ZNF385B: variants seen among roughly 807,000 people sequenced by gnomAD.
ZNF385B encodes the protein zinc finger protein 533.
In ZNF385B, 23 loss-of-function variants were observed where a neutral mutation model predicts 39.2. That is an observed-to-expected ratio of 0.59 (90% CI 0.42 to 0.83). The LOEUF is 0.83. Ranked by LOEUF, ZNF385B falls within the 40% of genes least tolerant of loss-of-function variation. ZNF385B has a pLI of 0.00. For missense variants in ZNF385B, 552 were observed against 598.9 expected, an observed-to-expected ratio of 0.92 and a Z score of 0.82; for synonymous variants, 205 against 222.6, an observed-to-expected ratio of 0.92 and a Z score of 0.70.
At chr2:179,669,962 A>C (rs913133784) in intron 3 of ZNF385B, among the ~76,000 whole-genome samples, 1 of 152,056 alleles carries the variant, frequency 6.6e-6, no homozygotes, top group Non-Finnish European at 1.5e-5. Flanking sequence ...AGCTCTCTGG[A>C]GGTGAGGGAA....
At chr2:179,844,894 A>G (rs1426650215) in intron 1 of ZNF385B, among the ~76,000 whole-genome samples, 1 of 152,216 alleles carries the variant, frequency 6.6e-6, no homozygotes, top group African/African-American at 2.4e-5. Flanking sequence ...GATAACATCT[A>G]TAAACTATTA....
At chr2:179,830,723 T>C (rs1575568259) in intron 1 of ZNF385B, among the ~76,000 whole-genome samples, 1 of 152,152 alleles carries the variant, frequency 6.6e-6, no homozygotes, top group African/African-American at 2.4e-5. Flanking sequence ...CAGAGATGAA[T>C]AGGTGGAACA....
intron 1 of ZNF385B, among the ~76,000 whole-genome samples, chr2:179,803,832 T>C (rs1328838464): frequency 1.3e-5 from 2 of 152,074 alleles, no homozygotes; most frequent in Non-Finnish European, 2.9e-5. Context: ...CCAACTTAGT[T>C]GGGATCTTTC....
intron 3 of ZNF385B, among the ~76,000 whole-genome samples, chr2:179,757,202 G>T (rs1703085186): frequency 1.3e-5 from 2 of 152,222 alleles, no homozygotes; most frequent in Admixed American, 1.3e-4. Context: ...TCAGCTGCAG[G>T]TCTGTTGGAG....
chr2:179,536,458 TAGGA>T (rs2059573300), intron 4 of ZNF385B: 1 of 152,192 alleles, frequency 6.6e-6, no homozygotes, highest in Non-Finnish European at 1.5e-5. Flanking sequence ...ACATTGGGAC[TAGGA>T]TAAAGAAAGG....
intron 3 of ZNF385B, among the ~76,000 whole-genome samples, chr2:179,664,093 T>C (rs1694846480): frequency 6.7e-6 from 1 of 148,426 alleles, no homozygotes; most frequent in Non-Finnish European, 1.5e-5. Flanking sequence ...AGTGGTTCTT[T>C]TGGTTTCTCT....
chr2:179,591,145 G>A (rs150053491), intron 3 of ZNF385B, among the ~76,000 whole-genome samples: 4,588 of 149,246 alleles, frequency 0.031, 94 homozygotes, highest in Middle Eastern at 0.041. Flanking sequence ...CCCCTAGAAA[G>A]TTTCTTTGTA....
intron 3 of ZNF385B, among the ~76,000 whole-genome samples, chr2:179,685,054 A>C (rs1204819430): frequency 6.6e-6 from 1 of 152,214 alleles, no homozygotes; most frequent in Non-Finnish European, 1.5e-5. Flanking sequence ...CCCCTTGTCT[A>C]TATCTAATTG....
At chr2:179,598,561 T>C (rs1340049198) in intron 3 of ZNF385B, among the ~76,000 whole-genome samples, 1 of 152,168 alleles carries the variant, frequency 6.6e-6, no homozygotes, top group Non-Finnish European at 1.5e-5. Context: ...ATTTATTATA[T>C]ATATAAAACC....
At chr2:179,633,589 C>T (rs1691446348) in intron 3 of ZNF385B, among the ~76,000 whole-genome samples, 1 of 152,144 alleles carries the variant, frequency 6.6e-6, no homozygotes, top group Non-Finnish European at 1.5e-5. Flanking sequence ...AACCCACAGC[C>T]AATATCATAC....
chr2:179,509,715 T>C (rs1157980926), intron 5 of ZNF385B, among the ~76,000 whole-genome samples: 1 of 152,252 alleles, frequency 6.6e-6, no homozygotes, highest in Admixed American at 6.5e-5. Flanking sequence ...CTATTGATTC[T>C]ATTTTCAGTA....
intron 5 of ZNF385B, among the ~76,000 whole-genome samples, chr2:179,493,622 T>C (rs1306499145): frequency 4.2e-5 from 4 of 96,262 alleles, no homozygotes; most frequent in African/African-American, 7.4e-5. Flanking sequence ...CGTACATATA[T>C]GTATACGCAT....
chr2:179,622,438 G>A (rs1277987304), intron 3 of ZNF385B, among the ~76,000 whole-genome samples: 2 of 152,112 alleles, frequency 1.3e-5, no homozygotes, highest in Non-Finnish European at 2.9e-5. Flanking sequence ...AATGACACTG[G>A]AAAATCCCTA....
chr2:179,771,858 A>G (rs1219340012), intron 1 of ZNF385B, among the ~76,000 whole-genome samples: 1 of 152,236 alleles, frequency 6.6e-6, no homozygotes, highest in Non-Finnish European at 1.5e-5. Flanking sequence ...ACTGTGAAAC[A>G]TAAGAAAAGC....
intron 3 of ZNF385B, among the ~76,000 whole-genome samples, chr2:179,599,373 A>G (rs1688239020): frequency 6.6e-6 from 1 of 152,222 alleles, no homozygotes; most frequent in Non-Finnish European, 1.5e-5. Context: ...AATGGAAACA[A>G]AGTGATAATT....
intron 3 of ZNF385B, among the ~76,000 whole-genome samples, chr2:179,678,828 T>A (rs939531499): frequency 6.6e-6 from 1 of 152,270 alleles, no homozygotes. Flanking sequence ...TGGGAAGTCA[T>A]CCAACCTCCT....
chr2:179,564,535 G>C (rs1305405705), intron 3 of ZNF385B, among the ~76,000 whole-genome samples: 1 of 152,058 alleles, frequency 6.6e-6, no homozygotes. Context: ...ATTCTTGTTA[G>C]CCTCTTAGTC....
At chr2:179,706,879 G>A (rs1410920797) in intron 3 of ZNF385B, among the ~76,000 whole-genome samples, 1 of 152,164 alleles carries the variant, frequency 6.6e-6, no homozygotes, top group Non-Finnish European at 1.5e-5. Flanking sequence ...CTATGGACAC[G>A]GGATGACAAA....
chr2:179,703,501 G>A (rs780975901), intron 3 of ZNF385B, among the ~76,000 whole-genome samples: 2 of 152,186 alleles, frequency 1.3e-5, no homozygotes, highest in Non-Finnish European at 2.9e-5. Context: ...CCATTAAAAT[G>A]TCAGGTCCAG....
Sources: allele counts gnomAD v4.1 joint callset (sites outside exome capture counted in the v4.1 genomes callset), GRCh38; gene constraint gnomAD v4.1.1; transcripts MANE v1.5; gene names NCBI Gene and HGNC (gene_info 2026-07-23, HGNC 2026-07-21).